Variants in MDGA2 observed in about 807,000 individuals in gnomAD.
The protein encoded by MDGA2 is MAM domain containing glycosylphosphatidylinositol anchor 2, also known as MAM domain-containing glycosylphosphatidylinositol anchor protein 2.
Under a neutral mutation model 117.8 loss-of-function variants are expected in MDGA2, and 40 were observed. The ratio of observed to expected loss-of-function variants is 0.34; its 90% CI spans 0.26 to 0.44. The LOEUF (loss-of-function observed/expected upper bound fraction) is 0.44. Ranked by LOEUF, MDGA2 falls within the 20% of genes least tolerant of loss-of-function variation. MDGA2 has a pLI of 1.00. For synonymous variants in MDGA2, 452 were observed against 439.0 expected (o/e 1.03, Z -0.37); for missense variants, 1,123 against 1,250.6 (o/e 0.90, Z 1.54).
At chr14:46,987,426 C>A (rs1886901532) in intron 8 of MDGA2, among the ~76,000 whole-genome samples, 1 of 152,094 alleles carries the variant, frequency 6.6e-6, no homozygotes, top group Non-Finnish European at 1.5e-5. Flanking sequence ...ATGATATCCA[C>A]AAGAGCTACT....
At position 47,013,772 on chromosome 14, in the gene MDGA2, G is replaced by GTATATATATATATATATATATATA. The variant is rs71448157; in HGVS notation, c.1819+21238_1819+21239insTATATATATATATATATATATATA. ...TAGGTATGAAAACATTAATTTCCTTGTATATATATATATATATATATCTCC... is the reference window on the plus strand; with the variant it reads ...TAGGTATGAAAACATTAATTTCCTTGTATATATATATATATATATATATATATATATATATATATATATATCTCC... On this transcript the variant is annotated intron_variant, in intron 8 of 16. Coordinates refer to ENST00000399232, the MANE Select transcript of MDGA2 (RefSeq NM_001113498.3). Among the ~76,000 whole-genome samples the GTATATATATATATATATATATATA allele has an allele frequency of 1.7e-3, 159 of 93,650 alleles. 5 individuals are homozygous for GTATATATATATATATATATATATA. Among genetic ancestry groups the GTATATATATATATATATATATATA allele is most frequent in the Non-Finnish European group, 2.7e-3 (125 of 45,660 alleles). The allele number at this position is 93,650 out of a possible 152,430, so 61.4% of individuals were successfully genotyped here.
chr14:46,891,021 G>C (rs1882863456), intron 10 of MDGA2, among the ~76,000 whole-genome samples: 1 of 152,010 alleles, frequency 6.6e-6, no homozygotes, highest in Non-Finnish European at 1.5e-5. Flanking sequence ...TTTCACAGTA[G>C]CTAAAGCTGA....
chr14:47,272,208 G>A (rs1888169067), intron 2 of MDGA2, among the ~76,000 whole-genome samples: 1 of 152,072 alleles, frequency 6.6e-6, no homozygotes, highest in Non-Finnish European at 1.5e-5. Context: ...ACCTGCCCAG[G>A]CCCTTTGCTA....
intron 8 of MDGA2, among the ~76,000 whole-genome samples, chr14:47,004,511 T>C (rs1163794802): frequency 6.6e-6 from 1 of 151,736 alleles, no homozygotes; most frequent in East Asian, 1.9e-4. Context: ...AACTTTGTTG[T>C]TCCTTTCCAA....
chr14:47,607,762 T>C (rs929507457), intron 1 of MDGA2, among the ~76,000 whole-genome samples: 1 of 152,158 alleles, frequency 6.6e-6, no homozygotes, highest in African/African-American at 2.4e-5. Flanking sequence ...ATATGTATTT[T>C]ATAAAACTGG....
At chr14:47,588,253 TATATATATACACAC>T (rs1896367690) in intron 1 of MDGA2, among the ~76,000 whole-genome samples, 3 of 94,318 alleles carry the variant, frequency 3.2e-5, no homozygotes, top group African/African-American at 6.8e-5. Context: ...TATATATATA[TATATATATACACAC>T]ACACACACAC....
intron 1 of MDGA2, among the ~76,000 whole-genome samples, chr14:47,622,175 T>A (rs1421439174): frequency 6.6e-6 from 1 of 152,050 alleles, no homozygotes; most frequent in African/African-American, 2.4e-5. Context: ...TTGCATTAAG[T>A]CAAAGTTAAA....
At chr14:47,278,859 C>T (rs1888386298) in intron 2 of MDGA2, among the ~76,000 whole-genome samples, 1 of 152,134 alleles carries the variant, frequency 6.6e-6, no homozygotes, top group Non-Finnish European at 1.5e-5. Flanking sequence ...CATACACATG[C>T]CAGCACTGTG....
intron 6 of MDGA2, among the ~76,000 whole-genome samples, chr14:47,074,312 T>G (rs1890408961): frequency 6.6e-6 from 1 of 151,962 alleles, no homozygotes; most frequent in South Asian, 2.1e-4. Flanking sequence ...ACTTTTTTTT[T>G]TTTTTGAACG....
At chr14:47,416,634 G>C (rs1424009956) in intron 1 of MDGA2, among the ~76,000 whole-genome samples, 2 of 152,156 alleles carry the variant, frequency 1.3e-5, no homozygotes, top group Non-Finnish European at 2.9e-5. Flanking sequence ...CTCTGAGTGA[G>C]GCTCCAAGTG....
At chr14:46,866,919 T>C (rs1881790721) in intron 14 of MDGA2, among the ~76,000 whole-genome samples, 1 of 152,042 alleles carries the variant, frequency 6.6e-6, no homozygotes, top group Admixed American at 6.6e-5. Context: ...TGTGGAGAAA[T>C]AGGAACACTT....
At chr14:47,399,760 T>TC (rs1325221542) in intron 1 of MDGA2, among the ~76,000 whole-genome samples, 3 of 152,006 alleles carry the variant, frequency 2.0e-5, no homozygotes, top group African/African-American at 7.2e-5. Flanking sequence ...TGTCTGTTTT[T>TC]TTGTTAAAAA....
intron 6 of MDGA2, among the ~76,000 whole-genome samples, chr14:47,075,961 T>C (rs1388520231): frequency 6.6e-6 from 1 of 152,178 alleles, no homozygotes; most frequent in East Asian, 1.9e-4. Flanking sequence ...TAAACATTTA[T>C]GACCCTTTGA....
chr14:47,206,446 C>A (rs1885686989), intron 3 of MDGA2, among the ~76,000 whole-genome samples: 1 of 151,520 alleles, frequency 6.6e-6, no homozygotes, highest in Admixed American at 6.6e-5. Flanking sequence ...AAAAAAATAG[C>A]CTGGCATGTT....
chr14:47,193,542 A>G (rs968470412), intron 3 of MDGA2, among the ~76,000 whole-genome samples: 1 of 152,182 alleles, frequency 6.6e-6, no homozygotes, highest in Non-Finnish European at 1.5e-5. Context: ...CTCTCAATGT[A>G]TATAAGTTAA....
rs1423741535 is a variant in MDGA2 at position 46,855,164 on chromosome 14, A to T, written c.2753-10T>A. ...TAAACATTTAAGACACCTAAAAATG[A>T]CAATAAAATTTTATTTTGCATATTC... On this transcript the variant is annotated splice_polypyrimidine_tract_variant and intron_variant, in intron 14 of 16. Transcript: ENST00000399232. This position sits in a 1 kb window ranked among gnomAD's most constrained non-coding sequence, Gnocchi z 4.1. 1.3e-6 allele frequency: 2 copies of T among 1,589,176 alleles called. No individual in the cohort carries two copies. Among genetic ancestry groups the T allele is most frequent in the Admixed American group, 1.9e-5 (1 of 53,346 alleles).
intron 1 of MDGA2, among the ~76,000 whole-genome samples, chr14:47,325,676 C>A (rs1890121895): frequency 6.6e-6 from 1 of 151,994 alleles, no homozygotes; most frequent in Non-Finnish European, 1.5e-5. Context: ...TAGGCATGTG[C>A]AGGAGAGAAG....
At chr14:46,895,240 T>TC (rs915290012) in intron 10 of MDGA2, among the ~76,000 whole-genome samples, 13 of 152,142 alleles carry the variant, frequency 8.5e-5, no homozygotes, top group African/African-American at 3.1e-4. Flanking sequence ...ATACTGCTGT[T>TC]CTCGTGATAG....
At position 47,085,834 on chromosome 14, in the gene MDGA2, T is replaced by C. The variant is rs144045981; in HGVS notation, c.1195+11020A>G. On this transcript the variant is annotated intron_variant, in intron 6 of 16. Coordinates refer to ENST00000399232, the MANE Select transcript of MDGA2 (RefSeq NM_001113498.3). ...TCTTATATTTATTATAAAAAGTAAA[T>C]CTAAAATTGCCAGTCATTGCACAAA... Among the ~76,000 whole-genome samples, 631 of 152,206 alleles carry C rather than the reference T, an allele frequency of 4.1e-3. 5 individuals are homozygous for C. Among genetic ancestry groups the C allele is most frequent in the African/African-American group, 0.014 (590 of 41,566 alleles).
Sources: allele counts gnomAD v4.1 joint callset (sites outside exome capture counted in the v4.1 genomes callset), GRCh38; gene constraint gnomAD v4.1.1; non-coding constraint Gnocchi (gnomAD v3.1); transcripts MANE v1.5; gene names NCBI Gene and HGNC (gene_info 2026-07-23, HGNC 2026-07-21).